The following UVRAG variants were observed in gnomAD, a reference collection of about 807,000 sequenced individuals.
UVRAG encodes UV radiation resistance-associated gene protein.
A neutral mutation model predicts 78.0 loss-of-function variants in UVRAG; 19 were observed. That is an observed-to-expected ratio of 0.24 (90% confidence interval 0.17 to 0.36). UVRAG has a LOEUF of 0.36. Ranked by LOEUF, UVRAG falls within the 10% of genes least tolerant of loss-of-function variation. The pLI, the probability that UVRAG is intolerant of heterozygous loss-of-function variation, is 1.00. For missense variants in UVRAG, 740 were observed against 853.8 expected (o/e 0.87, Z 1.66); for synonymous variants, 323 against 324.6 (o/e 1.00, Z 0.05).
At chr11:76,056,502 T>G (rs1950987107) in intron 12 of UVRAG, among the ~76,000 whole-genome samples, 1 of 152,336 alleles carries the variant, frequency 6.6e-6, no homozygotes, top group South Asian at 2.1e-4. Context: ...CTCCACATCT[T>G]AAGTCTCTTT....
chr11:75,826,125 C>T (rs113838121), intron 1 of UVRAG, among the ~76,000 whole-genome samples: 5,703 of 151,046 alleles, frequency 0.038, 339 homozygotes, highest in African/African-American at 0.13. Context: ...GCGTGAGCCA[C>T]TGTGCCTGGC....
At chr11:75,988,244 A>T (rs961593063) in intron 8 of UVRAG, among the ~76,000 whole-genome samples, 2 of 152,218 alleles carry the variant, frequency 1.3e-5, no homozygotes, top group Non-Finnish European at 2.9e-5. Context: ...CTATCATTGT[A>T]AACAGCTTTT....
rs111569099 is a variant in UVRAG at position 75,999,992 on chromosome 11, A to G, written c.827-4013A>G. On this transcript the variant is annotated intron_variant, in intron 8 of 14. Transcript: ENST00000356136. ...AGGTAGACTATGCTTAATTAAAGAT[A>G]CATTTTGTGAACTCCTGGGCAACCA... Among the ~76,000 whole-genome samples, 267 of 152,320 alleles carry G rather than the reference A, an allele frequency of 1.8e-3. 1 individual carries two copies. The highest frequency in any genetic ancestry group is 6.1e-3 in the African/African-American group (255 of 41,572).
In UVRAG at chr11:76,141,196, C is replaced by T; in HGVS notation, c.1883C>T (p.Thr628Ile). The T allele has an allele frequency of 6.2e-7, 1 of 1,614,140 alleles. No homozygotes were observed. Among genetic ancestry groups the T allele is most frequent in the Non-Finnish European group, 8.5e-7 (1 of 1,180,044 alleles). ...GTCTCAGAAGCTGAGCTCTGCTGTA[C>T]TGTGGAGCAAGCAGAAGAAATCATC... Reference protein sequence around the residue: ...HPVSEAELCCTVEQAEEIIGL... With the variant: ...HPVSEAELCCIVEQAEEIIGL... Residue 628 changes from threonine to isoleucine, a missense_variant, in exon 15 of 15, where the codon ACT (threonine) becomes ATT (isoleucine). Physicochemically the swap from Thr to Ile is moderately conservative, Grantham distance 89 (BLOSUM62 -1). Transcript: ENST00000356136.
chr11:75,900,377 T>A (rs1475358474), intron 5 of UVRAG, among the ~76,000 whole-genome samples: 1 of 152,206 alleles, frequency 6.6e-6, no homozygotes, highest in Non-Finnish European at 1.5e-5. Flanking sequence ...CTTCCCTCAT[T>A]CTCTTTTTTT....
intron 14 of UVRAG, among the ~76,000 whole-genome samples, chr11:76,129,858 A>G (rs962328536): frequency 6.6e-6 from 1 of 151,052 alleles, no homozygotes; most frequent in East Asian, 1.9e-4. Context: ...GCACTTTCCA[A>G]AGTATAAATG....
intron 8 of UVRAG, among the ~76,000 whole-genome samples, chr11:75,994,349 C>T (rs1023043127): frequency 6.6e-6 from 1 of 152,188 alleles, no homozygotes; most frequent in African/African-American, 2.4e-5. Flanking sequence ...ATGTTACCCT[C>T]ATTGTATATG....
chr11:76,027,717 C>A lies in UVRAG; in HGVS notation c.1226+10737C>A, dbSNP rs114582836. Among the ~76,000 whole-genome samples the A allele has an allele frequency of 7.1e-3, 1,083 of 152,180 alleles. 13 individuals carry two copies. The highest frequency in any genetic ancestry group is 0.025 in the African/African-American group (1,029 of 41,536). ...ATACGTTGAGCTTTGCAATAGGAAT[C>A]CTAGGCATGTAAGTTTTTATTCTGT... is the stretch of plus-strand genomic sequence containing the variant. On this transcript the variant is annotated intron_variant, in intron 12 of 14. Transcript: ENST00000356136.
rs371695493 is a variant in UVRAG, at chr11:75,997,277, G to C, written c.827-6728G>C. ...TTTAACTGTAATTTTGACAGGAGCT[G>C]GCCATTGGCCAGTCTCAGACCAAAC... On this transcript the variant is annotated intron_variant, in intron 8 of 14. Transcript: ENST00000356136. 1.4e-4 allele frequency among the ~76,000 whole-genome samples: 21 copies of C among 152,352 alleles called. No homozygotes were observed. In the South Asian group the frequency reaches 4.3e-3, roughly 32 times the overall value.
At chr11:76,126,072 C>T (rs1166250330) in intron 14 of UVRAG, among the ~76,000 whole-genome samples, 3 of 151,840 alleles carry the variant, frequency 2.0e-5, no homozygotes, top group African/African-American at 7.3e-5. Context: ...GCCTCAGCCT[C>T]CCGGGCAGCT....
At chr11:76,080,815 C>T (rs1951480982) in intron 13 of UVRAG, among the ~76,000 whole-genome samples, 1 of 152,170 alleles carries the variant, frequency 6.6e-6, no homozygotes, top group Non-Finnish European at 1.5e-5. Context: ...CAGCTATATT[C>T]CCTCTAGCTG....
chr11:76,064,428 C>T (rs1951150052), intron 12 of UVRAG, among the ~76,000 whole-genome samples: 1 of 152,274 alleles, frequency 6.6e-6, no homozygotes, highest in Non-Finnish European at 1.5e-5. Context: ...TTTGCTTATC[C>T]TGAATTTGCT....
At chr11:75,820,132 A>G (rs1306972203) in intron 1 of UVRAG, among the ~76,000 whole-genome samples, 5 of 151,846 alleles carry the variant, frequency 3.3e-5, no homozygotes, top group Non-Finnish European at 7.4e-5. Context: ...ATGTGCCACC[A>G]TACCAGTTAA....
chr11:76,090,445 C>T (rs1951676416), intron 13 of UVRAG, among the ~76,000 whole-genome samples: 1 of 152,174 alleles, frequency 6.6e-6, no homozygotes, highest in Middle Eastern at 3.2e-3. Flanking sequence ...TTAACCCTCC[C>T]TGGCAGTGCC....
At chr11:75,827,140 G>A (rs1945531596) in intron 1 of UVRAG, among the ~76,000 whole-genome samples, 2 of 151,618 alleles carry the variant, frequency 1.3e-5, no homozygotes, top group Non-Finnish European at 2.9e-5. Context: ...AGACATAAAA[G>A]TAAAAGTGAG....
At chr11:76,021,908 G>A (rs1272738567) in intron 12 of UVRAG, among the ~76,000 whole-genome samples, 1 of 152,140 alleles carries the variant, frequency 6.6e-6, no homozygotes, top group East Asian at 1.9e-4. Flanking sequence ...ACAAAAATTA[G>A]CTGAGCGTGG....
intron 1 of UVRAG, chr11:75,835,246 G>A (rs1590914533): frequency 1.3e-5 from 2 of 152,102 alleles, no homozygotes; most frequent in African/African-American, 4.8e-5. Flanking sequence ...AGTGAGAAGC[G>A]GGAAAGAGTT....
At chr11:75,880,728 G>A (rs965802407) in intron 4 of UVRAG, among the ~76,000 whole-genome samples, 3 of 150,168 alleles carry the variant, frequency 2.0e-5, no homozygotes, top group African/African-American at 7.4e-5. Flanking sequence ...CTAATTTTTT[G>A]TATTTTAGTA....
At chr11:76,045,515 G>A (rs182085103) in intron 12 of UVRAG, among the ~76,000 whole-genome samples, 1 of 152,188 alleles carries the variant, frequency 6.6e-6, no homozygotes, top group Admixed American at 6.5e-5. Flanking sequence ...TCAATAGTTT[G>A]TTGGGATTTT....
Sources: allele counts gnomAD v4.1 joint callset (sites outside exome capture counted in the v4.1 genomes callset), GRCh38; gene constraint gnomAD v4.1.1; transcripts MANE v1.5; gene names NCBI Gene and HGNC (gene_info 2026-07-23, HGNC 2026-07-21).